ZNF326: variants seen among roughly 807,000 people sequenced by gnomAD.
The protein encoded by ZNF326 is DBIRD complex subunit ZNF326.
A neutral mutation model predicts 63.1 loss-of-function variants in ZNF326; 30 were observed. That is an observed-to-expected ratio of 0.48 (90% CI 0.36 to 0.64). The LOEUF is 0.64. Ranked by LOEUF, ZNF326 falls within the 30% of genes least tolerant of loss-of-function variation. ZNF326 has a pLI of 0.00. For missense variants in ZNF326, 609 were observed against 720.3 expected, an observed-to-expected ratio of 0.85 and a Z score of 1.77; for synonymous variants, 194 against 228.2, an observed-to-expected ratio of 0.85 and a Z score of 1.35.
intron 2 of ZNF326, among the ~76,000 whole-genome samples, chr1:90,004,054 G>A (rs1178059199): frequency 6.6e-6 from 1 of 151,960 alleles, no homozygotes; most frequent in Non-Finnish European, 1.5e-5. Flanking sequence ...CTAAATGTTT[G>A]TTTTACTTTC....
Position 90,007,114 on chromosome 1 carries a change from T to C in ZNF326, c.210-231T>C, listed in dbSNP as rs180975381. Among the ~76,000 whole-genome samples the C allele has an allele frequency of 6.6e-6, 1 of 152,354 alleles. No individual in the cohort carries two copies. Among genetic ancestry groups the C allele is most frequent in the East Asian group, 1.9e-4 (1 of 5,188 alleles). On this transcript the variant is annotated intron_variant, in intron 4 of 11. Transcript: ENST00000340281. The surrounding 1 kb of genome is among the most constrained non-coding windows in gnomAD (Gnocchi z 4.9). The stretch of plus-strand genomic sequence containing the variant: ...GCTGCTAAGAAGCAGATTTTAAAGC[T>C]AAGTTTTACTAAACTCAATTCATAT...
intron 7 of ZNF326, among the ~76,000 whole-genome samples, chr1:90,013,630 T>A (rs1464881985): frequency 6.6e-6 from 1 of 152,238 alleles, no homozygotes; most frequent in African/African-American, 2.4e-5. Flanking sequence ...AGGTACTGGC[T>A]TTTATAGATA....
At chr1:90,026,402 AG>A (rs2101098076) in intron 11 of ZNF326, among the ~76,000 whole-genome samples, 1 of 152,312 alleles carries the variant, frequency 6.6e-6, no homozygotes, top group East Asian at 1.9e-4. Context: ...CTCTGCAAGC[AG>A]GCAATTCGTA....
In ZNF326 at chr1:90,022,352, T is replaced by A; in HGVS notation, c.1401+7T>A. 1 of 1,601,288 alleles carries A rather than the reference T, an allele frequency of 6.2e-7. No homozygotes were observed. Among genetic ancestry groups the A allele is most frequent in the East Asian group, 2.2e-5 (1 of 44,720 alleles). On this transcript the variant is annotated splice_region_variant and intron_variant, in intron 11 of 11. Coordinates refer to ENST00000340281, the MANE Select transcript of ZNF326 (RefSeq NM_182976.4). The stretch of plus-strand genomic sequence containing the variant: ...ATATGAACGTTTTGTTAAGGTAAGA[T>A]TTTAGGGCAAAAACCTTTTCAATAA...
chr1:90,016,746 A>C (rs1649522107), intron 7 of ZNF326, among the ~76,000 whole-genome samples: 2 of 152,048 alleles, frequency 1.3e-5, no homozygotes, highest in South Asian at 4.2e-4. Context: ...AAAAAGAAAA[A>C]AAGAAGCAAT....
At chr1:90,012,425 G>C (rs930736990) in intron 6 of ZNF326, among the ~76,000 whole-genome samples, 1 of 152,164 alleles carries the variant, frequency 6.6e-6, no homozygotes, top group Non-Finnish European at 1.5e-5. Flanking sequence ...AAGCAGATTA[G>C]TGGTTACCAG....
At chr1:89,996,590 T>C (rs1302143406) in intron 1 of ZNF326, among the ~76,000 whole-genome samples, 1 of 152,066 alleles carries the variant, frequency 6.6e-6, no homozygotes, top group African/African-American at 2.4e-5. Context: ...TATGAATATT[T>C]GGGCTGGGCA....
In ZNF326 at chr1:90,033,815, T is replaced by C. The variant is rs1009246540; in HGVS notation, c.*6114T>C. ...AGCCATATGTATAGAGAATTCACCA[T>C]TGAATACCCTGCATATATCACAGTG... On this transcript the variant is annotated 3_prime_UTR_variant, in exon 12 of 12. Coordinates refer to ENST00000340281, the MANE Select transcript of ZNF326 (RefSeq NM_182976.4). 7 of 152,132 alleles carry C rather than the reference T, an allele frequency of 4.6e-5. No individual in the cohort carries two copies. Among genetic ancestry groups the C allele is most frequent in the Non-Finnish European group, 1.0e-4 (7 of 68,002 alleles). The allele number at this position is 152,132 out of a possible 1,614,324, so 9.4% of individuals were successfully genotyped here. A position where few individuals can be genotyped will look rare whatever the true frequency, so the allele number is the denominator to read the frequency against.
chr1:89,995,149 C>G lies in ZNF326; in HGVS notation c.-109C>G. ...CTGCGGCTCCCGGGCTGGTAGCGCGCCGCTCTCGGTCGCGCGGAGTGATCG... is the reference window on the plus strand; with the variant it reads ...CTGCGGCTCCCGGGCTGGTAGCGCGGCGCTCTCGGTCGCGCGGAGTGATCG... On this transcript the variant is annotated 5_prime_UTR_variant, in exon 1 of 12. Transcript: ENST00000340281. 6.6e-6 allele frequency: 9 copies of G among 1,362,630 alleles called. No homozygotes were observed. Among genetic ancestry groups the G allele is most frequent in the Non-Finnish European group, 8.9e-6 (9 of 1,007,710 alleles). 84.4% of individuals were successfully genotyped at this position (1,362,630 alleles called of 1,614,324 possible). A position where few individuals can be genotyped will look rare whatever the true frequency, so the allele number is the denominator to read the frequency against.
At position 90,007,785 on chromosome 1, in the gene ZNF326, C is replaced by T; in HGVS notation, c.615+35C>T. 6.8e-7 allele frequency: 1 copy of T among 1,473,956 alleles called. No individual in the cohort carries two copies. The highest frequency in any genetic ancestry group is 2.4e-5 in the Admixed American group (1 of 41,464). The allele number at this position is 1,473,956 out of a possible 1,614,324, so 91.3% of individuals were successfully genotyped here. A position where few individuals can be genotyped will look rare whatever the true frequency, so the allele number is the denominator to read the frequency against. On this transcript the variant is annotated intron_variant, in intron 5 of 11. Transcript: ENST00000340281. The surrounding 1 kb of genome is among the most constrained non-coding windows in gnomAD (Gnocchi z 4.9). ...ACAGAATCTTTTCAGATTCTTTTCA[C>T]TAGTCACTCTTTTAAACCCTTTCAA...
intron 7 of ZNF326, among the ~76,000 whole-genome samples, chr1:90,014,971 T>C (rs1416571530): frequency 2.6e-5 from 4 of 152,184 alleles, no homozygotes; most frequent in African/African-American, 9.6e-5. Flanking sequence ...TTCATGTTAA[T>C]ATAATATATA....
At chr1:90,014,037 C>T (rs1445840330) in intron 7 of ZNF326, among the ~76,000 whole-genome samples, 5 of 151,424 alleles carry the variant, frequency 3.3e-5, no homozygotes, top group African/African-American at 1.2e-4. Context: ...TGCACTCCAG[C>T]CTGGGCAACA....
chr1:89,999,228 AT>A (rs1648549303), intron 2 of ZNF326, among the ~76,000 whole-genome samples: 1 of 152,156 alleles, frequency 6.6e-6, no homozygotes, highest in Non-Finnish European at 1.5e-5. Flanking sequence ...TAAAGAGCAA[AT>A]TAGCAGAACT....
At chr1:90,022,577 A>T (rs1434182852) in intron 11 of ZNF326, among the ~76,000 whole-genome samples, 3 of 152,222 alleles carry the variant, frequency 2.0e-5, no homozygotes, top group Non-Finnish European at 4.4e-5. Context: ...TGAGAAATAC[A>T]CAAGCATTAG....
In ZNF326 at chr1:90,035,004, C is replaced by T. The variant is rs530561714; in HGVS notation, c.*7303C>T. ...ATTACTTTAACTTAAAAAAAAATACCATAAGCTTGATAGATGCTCGAAAAA... is the reference window on the plus strand; with the variant it reads ...ATTACTTTAACTTAAAAAAAAATACTATAAGCTTGATAGATGCTCGAAAAA... On this transcript the variant is annotated 3_prime_UTR_variant, in exon 12 of 12. Transcript: ENST00000340281. 1.3e-5 allele frequency: 2 copies of T among 152,066 alleles called. No individual in the cohort carries two copies. The highest frequency in any genetic ancestry group is 3.9e-4 in the East Asian group (2 of 5,178). 9.4% of individuals were successfully genotyped at this position (152,066 alleles called of 1,614,324 possible). A position where few individuals can be genotyped will look rare whatever the true frequency, so the allele number is the denominator to read the frequency against.
chr1:90,016,176 A>G (rs925856112), intron 7 of ZNF326, among the ~76,000 whole-genome samples: 3 of 151,986 alleles, frequency 2.0e-5, no homozygotes, highest in Non-Finnish European at 4.4e-5. Flanking sequence ...ATCCTCAGAC[A>G]CCTCTGTGAG....
At chr1:90,010,991 T>C (rs553093589) in intron 6 of ZNF326, among the ~76,000 whole-genome samples, 1 of 152,290 alleles carries the variant, frequency 6.6e-6, no homozygotes, top group East Asian at 1.9e-4. Flanking sequence ...CTGTTATGTA[T>C]CAAATTTGAC....
At chr1:90,011,655 G>A (rs1217389117) in intron 6 of ZNF326, among the ~76,000 whole-genome samples, 2 of 151,718 alleles carry the variant, frequency 1.3e-5, no homozygotes, top group Non-Finnish European at 2.9e-5. Context: ...CAAGGATATG[G>A]AGAAATTGAA....
intron 1 of ZNF326, among the ~76,000 whole-genome samples, chr1:89,995,769 G>A (rs2101042615): frequency 6.6e-6 from 1 of 152,376 alleles, no homozygotes; most frequent in African/African-American, 2.4e-5. Context: ...CCCGGTTTAA[G>A]ATGAGTTGAA....
Sources: gnomAD v4.1 joint callset for allele counts (sites outside exome capture counted in the v4.1 genomes callset) on GRCh38, gnomAD v4.1.1 for gene constraint, Gnocchi (gnomAD v3.1) non-coding constraint, MANE v1.5 for transcripts, NCBI Gene and HGNC (gene_info 2026-07-23, HGNC 2026-07-21) for gene names.